Variants in LRP1B observed in about 807,000 individuals in gnomAD.
The protein encoded by LRP1B is LDL receptor related protein 1B.
A neutral mutation model predicts 556.6 loss-of-function variants in LRP1B; 217 were observed. The ratio of observed to expected loss-of-function variants is 0.39; its 90% CI spans 0.35 to 0.44. LRP1B has a LOEUF of 0.44. LRP1B is among the 20% of genes least tolerant of loss of function. The pLI, the probability that LRP1B is intolerant of heterozygous loss-of-function variation, is 1.00. For missense variants in LRP1B, 5,053 were observed against 5,620.8 expected (o/e 0.90, Z 3.23); for synonymous variants, 2,047 against 1,865.8 (o/e 1.10, Z -2.50).
intron 3 of LRP1B, among the ~76,000 whole-genome samples, chr2:141,464,606 A>ATATTTTTTTTTTTTTTT: frequency 1.1e-5 from 1 of 90,542 alleles, no homozygotes; most frequent in Non-Finnish European, 2.2e-5. Context: ...ATATATATAT[A>ATATTTTTTTTTTTTTTT]TTTTTTTAGT....
chr2:141,591,906 T>C (rs1687353882), intron 2 of LRP1B, among the ~76,000 whole-genome samples: 1 of 152,086 alleles, frequency 6.6e-6, no homozygotes, highest in South Asian at 2.1e-4. Flanking sequence ...TGAAAATAAA[T>C]ACATAGTCCA....
intron 1 of LRP1B, among the ~76,000 whole-genome samples, chr2:141,883,878 T>A (rs141038411): frequency 6.6e-6 from 1 of 152,154 alleles, no homozygotes; most frequent in South Asian, 2.1e-4. Context: ...CCAGCACCCA[T>A]GAAGAATGTA....
intron 2 of LRP1B, among the ~76,000 whole-genome samples, chr2:141,805,915 C>T (rs2105697633): frequency 6.6e-6 from 1 of 152,182 alleles, no homozygotes; most frequent in Admixed American, 6.6e-5. Context: ...CATTTTTATT[C>T]TCCTTTGTTG....
chr2:140,623,364 T>C (rs1683525205), intron 41 of LRP1B, among the ~76,000 whole-genome samples: 1 of 152,154 alleles, frequency 6.6e-6, no homozygotes, highest in Admixed American at 6.5e-5. Context: ...TAGAATATTT[T>C]AGAAAAACAG....
chr2:141,476,945 G>A (rs1322366985), intron 3 of LRP1B, among the ~76,000 whole-genome samples: 2 of 152,062 alleles, frequency 1.3e-5, no homozygotes, highest in Non-Finnish European at 2.9e-5. Context: ...CCAACATGGA[G>A]AAACTCCATT....
intron 3 of LRP1B, among the ~76,000 whole-genome samples, chr2:141,364,806 C>T (rs374656473): frequency 3.9e-5 from 6 of 151,914 alleles, no homozygotes; most frequent in East Asian, 1.9e-4. Context: ...TTTAAGTAAA[C>T]GTATTATATG....
intron 3 of LRP1B, among the ~76,000 whole-genome samples, chr2:141,473,241 A>T (rs1018605627): frequency 6.6e-6 from 1 of 152,306 alleles, no homozygotes; most frequent in African/African-American, 2.4e-5. Context: ...ATACATACAT[A>T]TGTGCAAATA....
chr2:142,087,521 C>T (rs1705993036), intron 1 of LRP1B, among the ~76,000 whole-genome samples: 1 of 151,130 alleles, frequency 6.6e-6, no homozygotes. Context: ...GAGTCTCTGC[C>T]ACTTATTAAT....
chr2:142,120,409 G>T (rs553618896), intron 1 of LRP1B, among the ~76,000 whole-genome samples: 13 of 152,166 alleles, frequency 8.5e-5, no homozygotes, highest in African/African-American at 3.1e-4. Flanking sequence ...ACCATGCCCG[G>T]CCTTTACTAC....
intron 43 of LRP1B, among the ~76,000 whole-genome samples, chr2:140,578,199 T>C (rs1346979297): frequency 6.6e-6 from 1 of 152,118 alleles, no homozygotes; most frequent in Non-Finnish European, 1.5e-5. Flanking sequence ...AAATCCTAAT[T>C]ATGTGATTTT....
chr2:140,262,027 T>C (rs1223506886), intron 86 of LRP1B, among the ~76,000 whole-genome samples: 1 of 151,950 alleles, frequency 6.6e-6, no homozygotes, highest in Non-Finnish European at 1.5e-5. Flanking sequence ...TATCCTTAGG[T>C]ATATAGAGAA....
At chr2:141,376,956 G>T (rs527451958) in intron 3 of LRP1B, among the ~76,000 whole-genome samples, 2 of 151,782 alleles carry the variant, frequency 1.3e-5, no homozygotes, top group African/African-American at 4.8e-5. Flanking sequence ...TACCTCAACC[G>T]CTTTATTTAC....
chr2:140,689,675 C>G (rs557381699), intron 41 of LRP1B, among the ~76,000 whole-genome samples: 5 of 152,206 alleles, frequency 3.3e-5, no homozygotes, highest in Non-Finnish European at 7.3e-5. Flanking sequence ...CCCAGCATCT[C>G]TATCTTGTGA....
At chr2:141,997,461 ACACACACACT>A (rs1702530698) in intron 1 of LRP1B, among the ~76,000 whole-genome samples, 3 of 143,074 alleles carry the variant, frequency 2.1e-5, no homozygotes, top group Admixed American at 7.0e-5. Context: ...ACACACACAC[ACACACACACT>A]GTAGAACACA....
In LRP1B at chr2:141,531,874, A is replaced by G. The variant is rs75219773; in HGVS notation, c.206-51341T>C. 2.0e-5 allele frequency among the ~76,000 whole-genome samples: 3 copies of G among 152,232 alleles called. No individual in the cohort carries two copies. The East Asian group carries it at 5.8e-4, about 29-fold the overall frequency. ...AGTGTGTGGGGTGGAGGCATTATAG[A>G]TCTTACATTGACATTCCACTATACT... On this transcript the variant is annotated intron_variant, in intron 2 of 90. Coordinates refer to ENST00000389484, the MANE Select transcript of LRP1B (RefSeq NM_018557.3).
rs542576244 is a variant in LRP1B at position 141,183,299 on chromosome 2, T to C, written c.1013+5122A>G. Among the ~76,000 whole-genome samples the C allele has an allele frequency of 3.3e-5, 5 of 152,160 alleles. No individual in the cohort carries two copies. In the South Asian group the frequency reaches 1.0e-3, roughly 32 times the overall value. On this transcript the variant is annotated intron_variant, in intron 7 of 90. Coordinates refer to ENST00000389484, the MANE Select transcript of LRP1B (RefSeq NM_018557.3). ...ATCTCATTACAAAACCTTTTACGTG[T>C]GTAGGCAAACCCGCTTCATTTGCTA... is the stretch of plus-strand genomic sequence containing the variant.
At position 141,093,174 on chromosome 2, in the gene LRP1B, G is replaced by A. The variant is rs563876269; in HGVS notation, c.1014-30901C>T. On this transcript the variant is annotated intron_variant, in intron 7 of 90. Coordinates refer to ENST00000389484, the MANE Select transcript of LRP1B (RefSeq NM_018557.3). The stretch of plus-strand genomic sequence containing the variant: ...AATTATATTTTTAAGTAGCCAGAGA[G>A]AGTAGAAGGAAACTCATGGATAAAG... 2.0e-5 allele frequency among the ~76,000 whole-genome samples: 3 copies of A among 152,206 alleles called. No individual in the cohort carries two copies. In the East Asian group the frequency reaches 5.8e-4, roughly 29 times the overall value.
Position 141,039,667 on chromosome 2 carries a change from T to C in LRP1B, c.1789+9319A>G, listed in dbSNP as rs527896706. ...TATATTTTGTGTTTGTCATTACGGATGCATATGTACACATGCTTATTTTGG... is the reference window on the plus strand; with the variant it reads ...TATATTTTGTGTTTGTCATTACGGACGCATATGTACACATGCTTATTTTGG... On this transcript the variant is annotated intron_variant, in intron 11 of 90. Coordinates refer to ENST00000389484, the MANE Select transcript of LRP1B (RefSeq NM_018557.3). Among the ~76,000 whole-genome samples the C allele has an allele frequency of 1.7e-3, 261 of 152,186 alleles. 4 individuals are homozygous for C. Among genetic ancestry groups the C allele is most frequent in the African/African-American group, 6.2e-3 (259 of 41,558 alleles).
intron 1 of LRP1B, among the ~76,000 whole-genome samples, chr2:141,971,745 A>T (rs1300193164): frequency 1.3e-5 from 2 of 151,378 alleles, no homozygotes; most frequent in Non-Finnish European, 3.0e-5. Context: ...GTAAATACAA[A>T]TTTTTACATT....
Sources: allele counts gnomAD v4.1 joint callset (sites outside exome capture counted in the v4.1 genomes callset), GRCh38; gene constraint gnomAD v4.1.1; transcripts MANE v1.5; gene names NCBI Gene and HGNC (gene_info 2026-07-23, HGNC 2026-07-21).